Variants in SNRNP200 observed in about 807,000 individuals in gnomAD.
SNRNP200 encodes U5 small nuclear ribonucleoprotein 200 kDa helicase.
A neutral mutation model predicts 255.2 loss-of-function variants in SNRNP200; 66 were observed. That is an observed-to-expected ratio of 0.26 (90% CI 0.21 to 0.32). The LOEUF (loss-of-function observed/expected upper bound fraction) is 0.32. Among genes scored for constraint, SNRNP200 ranks in the 10% least tolerant of loss-of-function variants. The pLI, the probability that SNRNP200 is intolerant of heterozygous loss-of-function variation, is 1.00. For missense variants in SNRNP200, 1,585 were observed against 2,749.8 expected, an observed-to-expected ratio of 0.58 and a Z score of 9.47; for synonymous variants, 939 against 1,027.8, an observed-to-expected ratio of 0.91 and a Z score of 1.65.
In SNRNP200 at chr2:96,298,595, A is replaced by G. The variant is rs2063933969; in HGVS notation, c.982+8T>C. Reference sequence around the variant, plus strand: ...TCACTCTGCAGGAAGACCCCACCATATACTCACTCATCATCCTGTGCTGCC... The same window carrying G: ...TCACTCTGCAGGAAGACCCCACCATGTACTCACTCATCATCCTGTGCTGCC... On this transcript the variant is annotated splice_region_variant and intron_variant, in intron 8 of 44. Transcript: ENST00000323853. 1.2e-6 allele frequency: 2 copies of G among 1,613,582 alleles called. No homozygotes were observed. Among genetic ancestry groups the G allele is most frequent in the Non-Finnish European group, 1.7e-6 (2 of 1,179,598 alleles).
intron 29 of SNRNP200, 63 bp from the exon 30 acceptor site, chr2:96,285,403 T>C (rs1054248233): frequency 5.5e-5 from 86 of 1,556,806 alleles, no homozygotes; most frequent in Non-Finnish European, 7.5e-5. Flanking sequence ...GACTGGGACA[T>C]GGATCAATTG....
chr2:96,305,346 C>G (rs769066301), intron 1 of SNRNP200, 47 bp downstream of exon 1: 1 of 1,611,842 alleles, frequency 6.2e-7, no homozygotes, highest in Non-Finnish European at 8.5e-7. Context: ...CCTCCCCCTC[C>G]CCATTGGACT....
intron 4 of SNRNP200, 40 bp from the exon 5 acceptor site, chr2:96,301,093 G>C (rs756495211): frequency 1.9e-6 from 3 of 1,584,018 alleles, no homozygotes; most frequent in Admixed American, 3.3e-5. Flanking sequence ...GCAGTGAATG[G>C]CTAGTAAAAC....
chr2:96,300,102 C>T (rs1482705532), intron 5 of SNRNP200, among the ~76,000 whole-genome samples: 1 of 152,156 alleles, frequency 6.6e-6, no homozygotes, highest in Non-Finnish European at 1.5e-5. Context: ...CCCCGTGCGA[C>T]CCCTTCTTCC....
In SNRNP200 at chr2:96,277,454, G is replaced by T; in HGVS notation, c.5931+85C>A. On this transcript the variant is annotated intron_variant, in intron 41 of 44. Coordinates refer to ENST00000323853, the MANE Select transcript of SNRNP200 (RefSeq NM_014014.5). The surrounding 1 kb of genome is among the most constrained non-coding windows in gnomAD (Gnocchi z 4.4). ...CATAACTAAAAGTTTAACTTACTGAGACTCACCTCCCGCAACCCACGCTCG... is the reference window on the plus strand; with the variant it reads ...CATAACTAAAAGTTTAACTTACTGATACTCACCTCCCGCAACCCACGCTCG... 6.6e-7 allele frequency: 1 copy of T among 1,517,406 alleles called. No homozygotes were observed. The highest frequency in any genetic ancestry group is 9.1e-7 in the Non-Finnish European group (1 of 1,096,134). The allele number at this position is 1,517,406 out of a possible 1,614,324, so 94.0% of individuals were successfully genotyped here.
chr2:96,287,830 T>G lies in SNRNP200; in HGVS notation c.3365+33A>C. On this transcript the variant is annotated intron_variant, in intron 25 of 44. Coordinates refer to ENST00000323853, the MANE Select transcript of SNRNP200 (RefSeq NM_014014.5). The surrounding 1 kb of genome is among the most constrained non-coding windows in gnomAD (Gnocchi z 5.7). Reference sequence around the variant, plus strand: ...CCCTTGGGTTGGGGACCCCCACTCATGGTGACCAGCATCCAGCTCACTGGG... The same window carrying G: ...CCCTTGGGTTGGGGACCCCCACTCAGGGTGACCAGCATCCAGCTCACTGGG... 6.3e-7 allele frequency: 1 copy of G among 1,589,338 alleles called. No homozygotes were observed.
chr2:96,303,536 C>T (rs539567758), intron 2 of SNRNP200, among the ~76,000 whole-genome samples: 7 of 152,210 alleles, frequency 4.6e-5, no homozygotes, highest in African/African-American at 1.7e-4. Flanking sequence ...AAGAAAAATT[C>T]CCTATCATCT....
intron 9 of SNRNP200, 129 bp downstream of exon 9, chr2:96,298,155 G>T: frequency 7.2e-7 from 1 of 1,393,388 alleles, no homozygotes; most frequent in Non-Finnish European, 1.0e-6. Context: ...TGTATGCACT[G>T]ATAAACCCCA....
rs1684624623 is a variant in SNRNP200, at chr2:96,274,702, T to C, written c.*310A>G. The C allele has an allele frequency of 4.9e-6, 2 of 407,814 alleles. No individual in the cohort carries two copies. Among genetic ancestry groups the C allele is most frequent in the South Asian group, 4.6e-5 (2 of 43,778 alleles). The allele number at this position is 407,814 out of a possible 1,614,324, so 25.3% of individuals were successfully genotyped here. ...TGCCCTCAGGTTGGAGAAAGAAAAC[T>C]TTTAATTTGGAATCACTACAAAGAC... On this transcript the variant is annotated 3_prime_UTR_variant, in exon 45 of 45. Transcript: ENST00000323853.
rs1278376661 is a variant in SNRNP200 at position 96,297,024 on chromosome 2, A to G, written c.1424T>C (p.Phe475Ser). The part of the protein sequence containing the change: ...EKLPKYAQAG[F>S]EGFKTLNRIQ... ...CCGATTCAGTGTTTTGAAGCCCTCA[A>G]ACCCAGCCTGGGCATACTTTGGCAG... Residue 475 changes from phenylalanine to serine, a missense_variant, in exon 12 of 45, where the codon TTT becomes TCT. Physicochemically the swap from Phe to Ser is radical, Grantham distance 155. Around this residue, in one of 9 missense-constraint regions of SNRNP200, gnomAD observed 383 missense variants for 645.3 expected, o/e 0.59. Coordinates refer to ENST00000323853, the MANE Select transcript of SNRNP200 (RefSeq NM_014014.5). 2 of 1,614,070 alleles carry G rather than the reference A, an allele frequency of 1.2e-6. No individual in the cohort carries two copies. The highest frequency in any genetic ancestry group is 1.7e-6 in the Non-Finnish European group (2 of 1,180,032).
intron 30 of SNRNP200, 162 bp downstream of exon 30, chr2:96,285,018 G>A (rs763181314): frequency 1.2e-6 from 1 of 827,672 alleles, no homozygotes; most frequent in South Asian, 1.4e-5. Context: ...CCAAAGTGCT[G>A]GGATTACAGG....
rs538127868 is a variant in SNRNP200, at chr2:96,299,014, C to T, written c.730-47G>A. On this transcript the variant is annotated intron_variant, in intron 6 of 44. Transcript: ENST00000323853. ...TAGCTCACCAGGTCTCTGCCAGCCTCGATCACTTTGCCACCACCCTGCAAC... is the reference window on the plus strand; with the variant it reads ...TAGCTCACCAGGTCTCTGCCAGCCTTGATCACTTTGCCACCACCCTGCAAC... 72 of 1,610,466 alleles carry T rather than the reference C, an allele frequency of 4.5e-5. No homozygotes were observed. The East Asian group carries it at 8.7e-4, about 19-fold the overall frequency.
In SNRNP200 at chr2:96,293,428, T is replaced by C; in HGVS notation, c.1924A>G (p.Thr642Ala). The C allele has an allele frequency of 2.5e-6, 4 of 1,613,564 alleles. No individual in the cohort carries two copies. Among genetic ancestry groups the C allele is most frequent in the Middle Eastern group, 3.6e-4 (2 of 5,620 alleles). ...VARAIRNIEM[T>A]QEDVRLIGLS... ...CCAATGAGTCGGACATCCTCTTGGG[T>C]CATCTCAATGTTTCGGATGGCCCTG... The change falls in exon 15 of 45, where the codon ACC becomes GCC. Residue 642 changes from threonine (T) to alanine (A), a missense_variant. Coordinates refer to ENST00000323853, the MANE Select transcript of SNRNP200 (RefSeq NM_014014.5).
intron 35 of SNRNP200, chr2:96,281,483 T>C: frequency 2.8e-6 from 1 of 354,530 alleles, no homozygotes; most frequent in Non-Finnish European, 5.5e-6. Flanking sequence ...TCTAGCTTCT[T>C]ACTTGTCACT....
At chr2:96,295,408 A>G in intron 14 of SNRNP200, 80 bp downstream of exon 14, 1 of 1,568,402 alleles carries the variant, frequency 6.4e-7, no homozygotes, top group Non-Finnish European at 8.7e-7. Flanking sequence ...AAAGGCAGCA[A>G]AGAAACATTT....
At position 96,274,452 on chromosome 2, in the gene SNRNP200, G is replaced by C. The variant is rs1221955986; in HGVS notation, c.*560C>G. The C allele has an allele frequency of 1.9e-5, 3 of 161,664 alleles. No individual in the cohort carries two copies. Among genetic ancestry groups the C allele is most frequent in the South Asian group, 3.4e-4 (2 of 5,830 alleles). 10.0% of individuals were successfully genotyped at this position (161,664 alleles called of 1,614,324 possible). ...CTGCAAATTTCAGAACCCCCATCTA[G>C]AGAAACCCCTAACCTGTGATCTAGC... On this transcript the variant is annotated 3_prime_UTR_variant, in exon 45 of 45. Transcript: ENST00000323853.
Position 96,303,266 on chromosome 2 carries a change from C to T in SNRNP200, c.274G>A (p.Glu92Lys), listed in dbSNP as rs1558773024. ...NKMKGYTLLS[E>K]GIDEMVGIIY... is the part of the protein sequence containing the mutation. ...ATGCCCACCATCTCATCAATGCCCT[C>T]CGACAGCAGAGTATAACCCTTCATC... The change falls in exon 3 of 45, where the codon GAG becomes AAG. Residue 92 changes from glutamate (E) to lysine (K), a missense_variant. Glu to Lys is a moderately conservative substitution (Grantham distance 56). Around this residue, in one of 9 missense-constraint regions of SNRNP200, gnomAD observed 383 missense variants for 645.3 expected, o/e 0.59. Transcript: ENST00000323853. 1 of 1,614,206 alleles carries T rather than the reference C, an allele frequency of 6.2e-7. No individual in the cohort carries two copies. The highest frequency in any genetic ancestry group is 1.3e-5 in the African/African-American group (1 of 75,052).
chr2:96,305,297 C>T, intron 1 of SNRNP200, 96 bp downstream of exon 1: 3 of 1,500,364 alleles, frequency 2.0e-6, no homozygotes, highest in Non-Finnish European at 2.8e-6. Flanking sequence ...GTTTTCGTGG[C>T]TCTCCTGTAG....
Position 96,297,684 on chromosome 2 carries a change from G to A in SNRNP200, c.1156C>T (p.Arg386Ter). ...RSRRERVRQSRMDTDLETMDL... is the reference protein window; with the variant it reads ...RSRRERVRQS The stretch of plus-strand genomic sequence containing the variant: ...ATGGTTTCCAGATCTGTGTCCATTC[G>A]AGACTGACGCACTCGCTCTCTCCGG... The change falls in exon 10 of 45, where the codon CGA (arginine) becomes TGA (stop). Residue 386 changes from arginine (R) to a stop codon, truncating the protein, a stop_gained. Transcript: ENST00000323853. LOFTEE classifies it high-confidence loss of function. The A allele has an allele frequency of 1.9e-6, 3 of 1,614,168 alleles. No individual in the cohort carries two copies. Among genetic ancestry groups the A allele is most frequent in the Non-Finnish European group, 2.5e-6 (3 of 1,180,036 alleles).
Sources: gnomAD v4.1 joint callset for allele counts (sites outside exome capture counted in the v4.1 genomes callset) on GRCh38, gnomAD v4.1.1 for gene constraint, gnomAD v4.1.1 regional missense constraint, Gnocchi (gnomAD v3.1) non-coding constraint, MANE v1.5 for transcripts, NCBI Gene and HGNC (gene_info 2026-07-23, HGNC 2026-07-21) for gene names.